EGFLAM: variants seen among roughly 807,000 people sequenced by gnomAD.
EGFLAM encodes EGF like, fibronectin type III and laminin G domains.
In EGFLAM, 79 loss-of-function variants were observed where a neutral mutation model predicts 113.1. That is an observed-to-expected ratio of 0.70 (90% CI 0.58 to 0.84). The LOEUF is 0.84. Ranked by LOEUF, EGFLAM falls within the 40% of genes least tolerant of loss-of-function variation. The pLI, the probability that EGFLAM is intolerant of heterozygous loss-of-function variation, is 0.00. For missense variants in EGFLAM, 1,265 were observed against 1,291.6 expected (o/e 0.98, Z 0.32); for synonymous variants, 504 against 487.6 (o/e 1.03, Z -0.44).
At chr5:38,436,882 A>G (rs1025900459) in intron 16 of EGFLAM, among the ~76,000 whole-genome samples, 7 of 152,200 alleles carry the variant, frequency 4.6e-5, no homozygotes, top group African/African-American at 1.7e-4. Flanking sequence ...GGACTGGGGA[A>G]AAGTTTTCTC....
chr5:38,261,224 A>G (rs997421394), intron 1 of EGFLAM, among the ~76,000 whole-genome samples: 2 of 152,246 alleles, frequency 1.3e-5, no homozygotes, highest in African/African-American at 4.8e-5. Context: ...AACACAAGCA[A>G]CCTTTCTCTT....
At chr5:38,290,206 C>G (rs1758282394) in intron 1 of EGFLAM, among the ~76,000 whole-genome samples, 2 of 152,192 alleles carry the variant, frequency 1.3e-5, no homozygotes, top group South Asian at 4.1e-4. Flanking sequence ...AGCACAGCTG[C>G]AGACCCTCTG....
chr5:38,381,182 AATGTC>A (rs1740502419), intron 6 of EGFLAM, among the ~76,000 whole-genome samples: 2 of 152,140 alleles, frequency 1.3e-5, no homozygotes, highest in South Asian at 4.1e-4. Context: ...CATTCATCAT[AATGTC>A]ATGGCTAATC....
At chr5:38,269,397 T>TTA (rs1393111194) in intron 1 of EGFLAM, among the ~76,000 whole-genome samples, 1 of 152,196 alleles carries the variant, frequency 6.6e-6, no homozygotes, top group Admixed American at 6.5e-5. Flanking sequence ...AATCTTTTTT[T>TTA]TAGACACCAC....
intron 15 of EGFLAM, among the ~76,000 whole-genome samples, 191 bp from the exon 16 acceptor site, chr5:38,434,946 A>G (rs1742296767): frequency 6.6e-6 from 1 of 152,226 alleles, no homozygotes; most frequent in Non-Finnish European, 1.5e-5. Flanking sequence ...ACGTTCACCA[A>G]CATTCAGGCA....
At chr5:38,356,936 A>C (rs1201527600) in intron 5 of EGFLAM, among the ~76,000 whole-genome samples, 1 of 152,172 alleles carries the variant, frequency 6.6e-6, no homozygotes, top group Non-Finnish European at 1.5e-5. Flanking sequence ...TATTAGGATG[A>C]GGTCTTTGGA....
intron 5 of EGFLAM, among the ~76,000 whole-genome samples, chr5:38,367,529 G>A (rs772589541): frequency 6.6e-6 from 1 of 152,106 alleles, no homozygotes; most frequent in Non-Finnish European, 1.5e-5. Flanking sequence ...GGGATTACAG[G>A]CTTGAGCCAC....
Position 38,435,023 on chromosome 5 carries a change from G to T in EGFLAM, c.2167-114G>T, listed in dbSNP as rs1268136605. ...TTGTGTAGACAGATTGTCATGATGG[G>T]TCTCTAGGCTCTGTCTACCATTTTG... is the stretch of plus-strand genomic sequence containing the variant. On this transcript the variant is annotated intron_variant, in intron 15 of 21. Transcript: ENST00000322350. 6.4e-6 allele frequency: 5 copies of T among 780,124 alleles called. No individual in the cohort carries two copies. In the African/African-American group the frequency reaches 6.8e-5, roughly 11 times the overall value. The allele number at this position is 780,124 out of a possible 1,614,324, so 48.3% of individuals were successfully genotyped here.
chr5:38,292,009 T>C (rs894747091), intron 1 of EGFLAM, among the ~76,000 whole-genome samples: 7 of 152,174 alleles, frequency 4.6e-5, no homozygotes, highest in Admixed American at 2.6e-4. Flanking sequence ...TGTGAAGTTT[T>C]CTAACATGGT....
chr5:38,422,686 T>C (rs1249656325), intron 12 of EGFLAM, among the ~76,000 whole-genome samples: 1 of 152,170 alleles, frequency 6.6e-6, no homozygotes. Context: ...TCCCATGACT[T>C]CAAAGTAGCA....
At chr5:38,366,569 T>G (rs756791401) in intron 5 of EGFLAM, among the ~76,000 whole-genome samples, 1 of 152,062 alleles carries the variant, frequency 6.6e-6, no homozygotes, top group Non-Finnish European at 1.5e-5. Context: ...TTCACTAAGA[T>G]TGAGATTGGC....
At chr5:38,282,456 G>C (rs528174492) in intron 1 of EGFLAM, 2 of 152,154 alleles carry the variant, frequency 1.3e-5, no homozygotes, top group Non-Finnish European at 2.9e-5. Context: ...GGTGAAGCTT[G>C]GGTATCGTTA....
chr5:38,357,650 T>C (rs1233679188), intron 5 of EGFLAM, among the ~76,000 whole-genome samples: 1 of 152,126 alleles, frequency 6.6e-6, no homozygotes, highest in Non-Finnish European at 1.5e-5. Flanking sequence ...AGGCCAAGGC[T>C]AGGAAATTGT....
chr5:38,371,940 C>G (rs1740233180), intron 6 of EGFLAM, among the ~76,000 whole-genome samples: 1 of 152,184 alleles, frequency 6.6e-6, no homozygotes, highest in South Asian at 2.1e-4. Flanking sequence ...TGTCCCCATC[C>G]ACCCTCCCCA....
At chr5:38,407,648 G>A (rs1258948824) in intron 8 of EGFLAM, among the ~76,000 whole-genome samples, 157 bp from the exon 9 acceptor site, 1 of 152,232 alleles carries the variant, frequency 6.6e-6, no homozygotes, top group Non-Finnish European at 1.5e-5. Context: ...AAGAATGAGA[G>A]TTGTAGGTAT....
Position 38,438,468 on chromosome 5 carries a change from G to A in EGFLAM, c.2464+13G>A, listed in dbSNP as rs1280346615. On this transcript the variant is annotated intron_variant, in intron 17 of 21. Coordinates refer to ENST00000322350, the MANE Select transcript of EGFLAM (RefSeq NM_152403.4). ...CACTGCCAGAAAGGTACGCTCAGGGGTCTGAGGCACAGCTCCCTGGAGGGA... is the reference window on the plus strand; with the variant it reads ...CACTGCCAGAAAGGTACGCTCAGGGATCTGAGGCACAGCTCCCTGGAGGGA... 6.3e-7 allele frequency: 1 copy of A among 1,586,858 alleles called. No homozygotes were observed. Among genetic ancestry groups the A allele is most frequent in the Non-Finnish European group, 8.6e-7 (1 of 1,163,958 alleles).
intron 5 of EGFLAM, among the ~76,000 whole-genome samples, chr5:38,365,233 A>G (rs1204122344): frequency 6.6e-6 from 1 of 152,244 alleles, no homozygotes; most frequent in African/African-American, 2.4e-5. Flanking sequence ...GTGAAATAGA[A>G]TAGAAAAGAG....
chr5:38,297,669 C>T (rs1157111095), intron 1 of EGFLAM, among the ~76,000 whole-genome samples: 5 of 152,164 alleles, frequency 3.3e-5, no homozygotes, highest in Non-Finnish European at 7.4e-5. Context: ...GCAGCAATTA[C>T]CTGGTCTTTA....
chr5:38,391,379 T>G (rs72740346), intron 6 of EGFLAM, among the ~76,000 whole-genome samples: 3 of 149,984 alleles, frequency 2.0e-5, no homozygotes, highest in Non-Finnish European at 4.4e-5. Context: ...TCTTTTTTCT[T>G]TTCTTTGTGT....
Sources: allele counts gnomAD v4.1 joint callset (sites outside exome capture counted in the v4.1 genomes callset), GRCh38; gene constraint gnomAD v4.1.1; transcripts MANE v1.5; gene names NCBI Gene and HGNC (gene_info 2026-07-23, HGNC 2026-07-21).